TCF12: variants seen among roughly 807,000 people sequenced by gnomAD.
TCF12 encodes DNA-binding protein HTF4.
TCF12 carries 45 observed loss-of-function variants against 86.0 expected under a neutral mutation model. That is an observed-to-expected ratio of 0.52 (90% CI 0.41 to 0.67). TCF12 has a LOEUF of 0.67. Among genes scored for constraint, TCF12 ranks in the 30% least tolerant of loss-of-function variants. The pLI is 0.00. For missense variants in TCF12, 881 were observed against 859.9 expected, an observed-to-expected ratio of 1.02 and a Z score of -0.31; for synonymous variants, 330 against 299.6, an observed-to-expected ratio of 1.10 and a Z score of -1.05.
chr15:57,048,991 CA>C (rs1401214461), intron 3 of TCF12, among the ~76,000 whole-genome samples: 5 of 152,138 alleles, frequency 3.3e-5, no homozygotes, highest in Admixed American at 3.3e-4. Context: ...GTGAATGACT[CA>C]CCAAAGTTGC....
chr15:57,081,835 C>A (rs2048336284), intron 4 of TCF12, among the ~76,000 whole-genome samples: 1 of 152,128 alleles, frequency 6.6e-6, no homozygotes, highest in South Asian at 2.1e-4. Context: ...TCCTAAAGTG[C>A]TGAGATTATA....
intron 12 of TCF12, 47 bp from the exon 13 acceptor site, chr15:57,243,425 G>A (rs369859257): frequency 2.3e-4 from 341 of 1,472,556 alleles, no homozygotes; most frequent in Non-Finnish European, 3.1e-4. Flanking sequence ...TTGTGTATGT[G>A]CTGTTGTCAC....
intron 18 of TCF12, among the ~76,000 whole-genome samples, chr15:57,264,896 A>G (rs1208051002): frequency 6.6e-6 from 1 of 151,744 alleles, no homozygotes; most frequent in Non-Finnish European, 1.5e-5. Context: ...TGCCCGGCGA[A>G]TTTTTGTATT....
intron 5 of TCF12, among the ~76,000 whole-genome samples, chr15:57,152,856 C>CCACACA (rs137874145): frequency 2.7e-5 from 4 of 150,222 alleles, no homozygotes; most frequent in African/African-American, 9.7e-5. Flanking sequence ...GAACTCCCCT[C>CCACACA]CACACACACA....
chr15:57,223,535 T>C (rs2058700027), intron 8 of TCF12, among the ~76,000 whole-genome samples: 1 of 151,634 alleles, frequency 6.6e-6, no homozygotes, highest in Non-Finnish European at 1.5e-5. Flanking sequence ...TGTTTAAGAA[T>C]TTAAAATTAA....
chr15:57,007,755 C>CTTCT lies in TCF12; in HGVS notation c.149-55962_149-55959dup, dbSNP rs61173765. 5.8e-3 allele frequency among the ~76,000 whole-genome samples: 487 copies of CTTCT among 83,982 alleles called. 9 individuals are homozygous for CTTCT. Among genetic ancestry groups the CTTCT allele is most frequent in the African/African-American group, 0.019 (459 of 23,976 alleles). 55.1% of individuals were successfully genotyped at this position (83,982 alleles called of 152,430 possible). Reference sequence around the variant, plus strand: ...GAAAATGATGTAACAAATATTTTTCCTTCTTTCTTTCTTTCTTTCTTTCTT... The same window carrying CTTCT: ...GAAAATGATGTAACAAATATTTTTCCTTCTTTCTTTCTTTCTTTCTTTCTTTCTT... On this transcript the variant is annotated intron_variant, in intron 3 of 20. Transcript: ENST00000333725.
chr15:57,029,181 C>G (rs1211528179), intron 3 of TCF12, among the ~76,000 whole-genome samples: 2 of 152,064 alleles, frequency 1.3e-5, no homozygotes, highest in African/African-American at 4.8e-5. Context: ...AGTGGTTCTT[C>G]CACTACATAA....
At chr15:57,235,882 CTTCAAG>C (rs2059361023) in intron 12 of TCF12, among the ~76,000 whole-genome samples, 1 of 152,106 alleles carries the variant, frequency 6.6e-6, no homozygotes, top group Admixed American at 6.6e-5. Flanking sequence ...CTCAGTGGCC[CTTCAAG>C]TTCATTTTGT....
At chr15:57,193,855 A>C (rs16977287) in intron 7 of TCF12, among the ~76,000 whole-genome samples, 2,107 of 152,278 alleles carry the variant, frequency 0.014, 56 homozygotes, top group African/African-American at 0.044. Context: ...TGGATGATTT[A>C]GTATGTTTAC....
intron 11 of TCF12, 149 bp downstream of exon 11, chr15:57,233,005 T>C (rs1273795256): frequency 9.8e-6 from 4 of 408,038 alleles, no homozygotes; most frequent in Admixed American, 5.6e-5. Flanking sequence ...TATATGTATA[T>C]ATGTGTTATA....
At chr15:56,938,044 T>TA (rs2060548094) in intron 3 of TCF12, among the ~76,000 whole-genome samples, 1 of 135,916 alleles carries the variant, frequency 7.4e-6, no homozygotes, top group Non-Finnish European at 1.5e-5. Flanking sequence ...TCGTTTCTTT[T>TA]CTTTTTTTTT....
At chr15:56,926,303 ACT>A (rs1224541317) in intron 3 of TCF12, among the ~76,000 whole-genome samples, 9 of 131,002 alleles carry the variant, frequency 6.9e-5, no homozygotes, top group East Asian at 2.3e-4. Context: ...ACAGAGGGAG[ACT>A]CTGTCTCAAA....
chr15:56,985,436 C>T lies in TCF12; in HGVS notation c.148+64338C>T, dbSNP rs1237541050. ...TGGCTACTAAATTAGTTACTTCCCT[C>T]GGGCCTACCAATCTTCATATGTATA... is the stretch of plus-strand genomic sequence containing the variant. On this transcript the variant is annotated intron_variant, in intron 3 of 20. Transcript: ENST00000333725. Among the ~76,000 whole-genome samples, 5 of 152,252 alleles carry T rather than the reference C, an allele frequency of 3.3e-5. No homozygotes were observed. In the South Asian group the frequency reaches 6.2e-4, roughly 19 times the overall value.
chr15:56,988,097 G>T (rs1282877015), intron 3 of TCF12, among the ~76,000 whole-genome samples: 1 of 152,052 alleles, frequency 6.6e-6, no homozygotes, highest in African/African-American at 2.4e-5. Context: ...ATTAAAATAC[G>T]ATTCAAAATT....
chr15:57,283,119 C>T (rs1415796981), intron 20 of TCF12, among the ~76,000 whole-genome samples: 1 of 152,180 alleles, frequency 6.6e-6, no homozygotes, highest in African/African-American at 2.4e-5. Flanking sequence ...AGTTAACACC[C>T]TCTAGAATCT....
intron 3 of TCF12, among the ~76,000 whole-genome samples, chr15:57,059,668 A>C (rs369385416): frequency 7.7e-6 from 1 of 129,352 alleles, no homozygotes; most frequent in African/African-American, 2.9e-5. Flanking sequence ...CAATTCTTTA[A>C]TGATGGTTTA....
intron 19 of TCF12, among the ~76,000 whole-genome samples, chr15:57,273,994 A>G (rs1188191074): frequency 6.6e-6 from 1 of 152,196 alleles, no homozygotes; most frequent in Non-Finnish European, 1.5e-5. Context: ...TTATCAAATA[A>G]TAGAAGCTTC....
At chr15:57,123,968 C>CAAAAAAAAAAAAA (rs71113066) in intron 5 of TCF12, among the ~76,000 whole-genome samples, 10 of 81,078 alleles carry the variant, frequency 1.2e-4, no homozygotes, top group Admixed American at 1.7e-4. Flanking sequence ...GACTCCGTCT[C>CAAAAAAAAAAAAA]AAAAAAAAAA....
At chr15:56,958,674 A>AGTGTGTGT (rs1405638725) in intron 3 of TCF12, among the ~76,000 whole-genome samples, 24 of 64,580 alleles carry the variant, frequency 3.7e-4, no homozygotes, top group African/African-American at 9.8e-4. Context: ...AGAGAGAGAG[A>AGTGTGTGT]GAGAGTGTGT....
Sources: gnomAD v4.1 joint callset for allele counts (sites outside exome capture counted in the v4.1 genomes callset) on GRCh38, gnomAD v4.1.1 for gene constraint, MANE v1.5 for transcripts, NCBI Gene and HGNC (gene_info 2026-07-23, HGNC 2026-07-21) for gene names.